Variants in AP3B2 observed in about 807,000 individuals in gnomAD.
AP3B2 encodes the protein AP-3 complex subunit beta-2.
Under a neutral mutation model 126.9 loss-of-function variants are expected in AP3B2, and 50 were observed. The ratio of observed to expected loss-of-function variants is 0.39; its 90% CI spans 0.31 to 0.50. AP3B2 has a LOEUF of 0.50. Ranked by LOEUF, AP3B2 falls within the 20% of genes least tolerant of loss-of-function variation. The pLI is 0.79. For missense variants in AP3B2, 1,177 were observed against 1,426.4 expected, an observed-to-expected ratio of 0.83 and a Z score of 2.82; for synonymous variants, 541 against 565.0, an observed-to-expected ratio of 0.96 and a Z score of 0.60.
At chr15:82,703,583 A>G (rs544190522) in intron 1 of AP3B2, among the ~76,000 whole-genome samples, 2 of 152,244 alleles carry the variant, frequency 1.3e-5, no homozygotes, top group South Asian at 2.1e-4. Context: ...CTTAACCCCA[A>G]TACAAACTCA....
chr15:82,676,402 T>C, intron 14 of AP3B2, 59 bp downstream of exon 14: 1 of 1,558,546 alleles, frequency 6.4e-7, no homozygotes, highest in South Asian at 1.2e-5. Flanking sequence ...GCCAAAAGAA[T>C]ACTGTCTAGG....
In AP3B2 at chr15:82,692,222, G is replaced by A. The variant is rs183675562; in HGVS notation, c.114-2769C>T. 198 of 1,190,514 alleles carry A rather than the reference G, an allele frequency of 1.7e-4. No homozygotes were observed. The African/African-American group carries it at 2.9e-3, about 17-fold the overall frequency. The allele number at this position is 1,190,514 out of a possible 1,614,324, so 73.7% of individuals were successfully genotyped here. A position where few individuals can be genotyped will look rare whatever the true frequency, so the allele number is the denominator to read the frequency against. On this transcript the variant is annotated intron_variant, in intron 1 of 26. Transcript: ENST00000535359. ...GGGGGTCCTCAAAGCGCACCAAGGC[G>A]AAGGGCACAAGGCAGTGCCCATTCT...
chr15:82,661,982 C>T, intron 24 of AP3B2, 60 bp from the exon 25 acceptor site: 2 of 1,501,542 alleles, frequency 1.3e-6, no homozygotes, highest in Non-Finnish European at 1.8e-6. Context: ...CCTCACTTCC[C>T]ACCCTGTGTA....
chr15:82,668,635 C>T (rs1248006290), intron 14 of AP3B2, among the ~76,000 whole-genome samples: 5 of 152,162 alleles, frequency 3.3e-5, no homozygotes, highest in African/African-American at 1.2e-4. Flanking sequence ...GCTGGCCCAC[C>T]ACCTCAACAC....
rs781365751 is a variant in AP3B2, at chr15:82,688,796, G to A, written c.300C>T (p.Tyr100=). ...KKLVYVYLVR[Y]AEEQQDLALL... is the part of the protein sequence containing the mutation. ...GGGCCAGGTCTTGCTGCTCCTCAGC[G>A]TAGCGTACCAGGTACACATAGACAA... Residue 100 remains tyrosine, a synonymous_variant, in exon 4 of 27, where the codon TAC becomes TAT. Transcript: ENST00000535359. 9 of 1,612,824 alleles carry A rather than the reference G, an allele frequency of 5.6e-6. No homozygotes were observed. The highest frequency in any genetic ancestry group is 1.6e-4 in the Middle Eastern group (1 of 6,084).
intron 1 of AP3B2, among the ~76,000 whole-genome samples, chr15:82,694,685 T>TAAA (rs202118889): frequency 3.1e-5 from 4 of 129,566 alleles, no homozygotes; most frequent in African/African-American, 5.8e-5. Context: ...AACCTGTCTC[T>TAAA]AAAAAAAAAA....
At chr15:82,673,106 CG>C (rs2048185193) in intron 14 of AP3B2, among the ~76,000 whole-genome samples, 1 of 152,156 alleles carries the variant, frequency 6.6e-6, no homozygotes, top group South Asian at 2.1e-4. Context: ...AGAAAATAAA[CG>C]TGTGTTGTTT....
At chr15:82,662,450 C>T (rs1596165830) in intron 23 of AP3B2, 198 bp from the exon 24 acceptor site, 3 of 646,928 alleles carry the variant, frequency 4.6e-6, no homozygotes, top group South Asian at 3.9e-5. Context: ...TCACCCTCAC[C>T]ACATTTAAGT....
intron 4 of AP3B2, among the ~76,000 whole-genome samples, chr15:82,683,234 T>G (rs2048375000): frequency 6.6e-6 from 1 of 151,074 alleles, no homozygotes; most frequent in Non-Finnish European, 1.5e-5. Context: ...AATTTTTCTG[T>G]TTTTAGTAGA....
rs2048853054 is a variant in AP3B2, at chr15:82,709,688, AGGC to A, written c.16_18del (p.Ala6del). 6.7e-7 allele frequency: 1 copy of A among 1,496,106 alleles called. No homozygotes were observed. Among genetic ancestry groups the A allele is most frequent in the African/African-American group, 1.4e-5 (1 of 69,000 alleles). The allele number at this position is 1,496,106 out of a possible 1,614,324, so 92.7% of individuals were successfully genotyped here. ...GCGGAGCCGCCCTTGTCTTCGCTGT[AGGC>A]GGGGGCGGCCGACATGGGGCGGCCA... On this transcript the variant is annotated inframe_deletion, in exon 1 of 27. Transcript: ENST00000535359.
At chr15:82,700,415 T>TTTTTTTTTTTTTTTG (rs58240249) in intron 1 of AP3B2, among the ~76,000 whole-genome samples, 1 of 133,190 alleles carries the variant, frequency 7.5e-6, no homozygotes, top group Non-Finnish European at 1.6e-5. Flanking sequence ...TTTTTTTTTT[T>TTTTTTTTTTTTTTTG]CAGATGGAGT....
At chr15:82,677,514 A>G in intron 12 of AP3B2, 131 bp from the exon 13 acceptor site, 1 of 1,360,376 alleles carries the variant, frequency 7.4e-7, no homozygotes, top group African/African-American at 1.4e-5. Context: ...AGCAGCCCTC[A>G]GAGGTGTAGG....
intron 1 of AP3B2, among the ~76,000 whole-genome samples, chr15:82,695,207 C>T (rs2048614204): frequency 6.6e-6 from 1 of 150,532 alleles, no homozygotes; most frequent in Non-Finnish European, 1.5e-5. Context: ...TGAAGCAATT[C>T]TCCTGCCTCA....
intron 10 of AP3B2, among the ~76,000 whole-genome samples, chr15:82,679,453 G>C (rs1378233927): frequency 6.6e-6 from 1 of 152,202 alleles, no homozygotes; most frequent in Non-Finnish European, 1.5e-5. Flanking sequence ...GGAATATAAT[G>C]TACACATCCT....
intron 14 of AP3B2, among the ~76,000 whole-genome samples, chr15:82,668,317 T>C (rs185299859): frequency 6.6e-6 from 1 of 152,308 alleles, no homozygotes; most frequent in East Asian, 1.9e-4. Context: ...GCACCGCTAA[T>C]AGAATAGACT....
At chr15:82,696,908 A>T (rs1283690864) in intron 1 of AP3B2, among the ~76,000 whole-genome samples, 1 of 152,246 alleles carries the variant, frequency 6.6e-6, no homozygotes, top group Non-Finnish European at 1.5e-5. Context: ...TGTTGCCAAG[A>T]CAATTCCAAA....
In AP3B2 at chr15:82,665,445, C is replaced by T. The variant is rs1220539201; in HGVS notation, c.1971+12G>A. The T allele has an allele frequency of 5.0e-6, 8 of 1,587,088 alleles. No individual in the cohort carries two copies. The highest frequency in any genetic ancestry group is 6.0e-6 in the Non-Finnish European group (7 of 1,159,332). On this transcript the variant is annotated intron_variant, in intron 16 of 26. Coordinates refer to ENST00000535359, the MANE Select transcript of AP3B2 (RefSeq NM_001278512.2). The surrounding 1 kb of genome is among the most constrained non-coding windows in gnomAD (Gnocchi z 4.4). ...CACACACACACACACTTCAACCCTC[C>T]ACCCCGCTGACCTCCACGTTGCGCA...
At chr15:82,667,069 G>A in intron 14 of AP3B2, 136 bp from the exon 15 acceptor site, 1 of 847,062 alleles carries the variant, frequency 1.2e-6, no homozygotes, top group Middle Eastern at 3.5e-4. Flanking sequence ...CCACCCAGCT[G>A]TCCCTCCCCA....
intron 4 of AP3B2, among the ~76,000 whole-genome samples, chr15:82,682,829 G>C (rs967362081): frequency 5.9e-5 from 9 of 151,682 alleles, no homozygotes; most frequent in African/African-American, 2.2e-4. Flanking sequence ...GCTTGTGCCT[G>C]TAATCCCAAC....
Sources: gnomAD v4.1 joint callset for allele counts (sites outside exome capture counted in the v4.1 genomes callset) on GRCh38, gnomAD v4.1.1 for gene constraint, Gnocchi (gnomAD v3.1) non-coding constraint, MANE v1.5 for transcripts, NCBI Gene and HGNC (gene_info 2026-07-23, HGNC 2026-07-21) for gene names.